HSD17B13: variants seen among roughly 807,000 people sequenced by gnomAD.
The protein encoded by HSD17B13 is hydroxysteroid 17-beta dehydrogenase 13.
Under a neutral mutation model 31.1 loss-of-function variants are expected in HSD17B13, and 26 were observed. That is an observed-to-expected ratio of 0.84 (90% CI 0.61 to 1.16). The LOEUF (loss-of-function observed/expected upper bound fraction) is 1.16, where lower values mean the gene tolerates loss of function less well. Ranked by LOEUF, HSD17B13 falls within the 50% of genes most tolerant of loss-of-function variation. The probability of loss-of-function intolerance (pLI) is 0.00; values close to 1 mark genes in which losing one functional copy is unlikely to be tolerated. For missense variants in HSD17B13, 374 were observed against 366.5 expected, an observed-to-expected ratio of 1.02 and a Z score of -0.17; for synonymous variants, 141 against 133.7, an observed-to-expected ratio of 1.05 and a Z score of -0.38.
At chr4:87,314,315 A>G (rs1374380710) in intron 4 of HSD17B13, among the ~76,000 whole-genome samples, 1 of 152,062 alleles carries the variant, frequency 6.6e-6, no homozygotes, top group Non-Finnish European at 1.5e-5. Context: ...ATGAATCAGG[A>G]AAAATACATT....
intron 6 of HSD17B13, among the ~76,000 whole-genome samples, chr4:87,306,261 G>A (rs1734386437): frequency 6.6e-6 from 1 of 152,076 alleles, no homozygotes; most frequent in Non-Finnish European, 1.5e-5. Flanking sequence ...TAAAACTGAA[G>A]GTCTGAGCTC....
At chr4:87,319,652 G>A (rs1394934928) in intron 1 of HSD17B13, among the ~76,000 whole-genome samples, 1 of 152,194 alleles carries the variant, frequency 6.6e-6, no homozygotes, top group Non-Finnish European at 1.5e-5. Context: ...CCTTAAAGAA[G>A]AAGGACTTTC....
chr4:87,309,704 T>C (rs1344979705), intron 6 of HSD17B13, among the ~76,000 whole-genome samples: 4 of 152,168 alleles, frequency 2.6e-5, no homozygotes, highest in African/African-American at 4.8e-5. Context: ...TTAGTTAGAA[T>C]AGTCTTCAGC....
At chr4:87,320,301 C>T (rs935757553) in intron 1 of HSD17B13, among the ~76,000 whole-genome samples, 2 of 151,620 alleles carry the variant, frequency 1.3e-5, no homozygotes, top group African/African-American at 4.8e-5. Flanking sequence ...CATACTCTCT[C>T]ATTTGTTTCT....
Position 87,321,397 on chromosome 4 carries a change from T to A in HSD17B13, c.210+1235A>T, listed in dbSNP as rs577424374. 1.8e-4 allele frequency among the ~76,000 whole-genome samples: 27 copies of A among 152,104 alleles called. No homozygotes were observed. The South Asian group carries it at 3.1e-3, about 18-fold the overall frequency. On this transcript the variant is annotated intron_variant, in intron 1 of 6. Transcript: ENST00000328546. ...TCTTGTCTCTGGAAATTTTAAAATT[T>A]AAAAAAAACTTAATAAATATAGCCC... is the stretch of plus-strand genomic sequence containing the variant.
In HSD17B13 at chr4:87,315,505, A is replaced by C. The variant is rs1235085162; in HGVS notation, c.545T>G (p.Leu182Arg). 6.3e-7 allele frequency: 1 copy of C among 1,593,898 alleles called. No homozygotes were observed. Among genetic ancestry groups the C allele is most frequent in the Non-Finnish European group, 8.6e-7 (1 of 1,162,642 alleles). Reference protein sequence around the residue: ...SVCGHEGIPYLIPYCSSKFAA... With the variant: ...SVCGHEGIPYRIPYCSSKFAA... ...ATGTGATACTTACCAATATGGGATG[A>C]GGTAAGGAATCCCTTCGTGGCCGCA... The change falls in exon 4 of 7, where the codon CTC becomes CGC. Residue 182 changes from leucine to arginine, a missense_variant. Coordinates refer to ENST00000328546, the MANE Select transcript of HSD17B13 (RefSeq NM_178135.5).
At position 87,318,435 on chromosome 4, in the gene HSD17B13, C is replaced by T; in HGVS notation, c.212G>A (p.Arg71His). 1.9e-6 allele frequency: 3 copies of T among 1,613,440 alleles called. No homozygotes were observed. The highest frequency in any genetic ancestry group is 8.5e-7 in the Non-Finnish European group (1 of 1,179,404). ...SILVLWDINKRGVEETAAECR... is the reference protein window; with the variant it reads ...SILVLWDINKHGVEETAAECR... ...CTCAGCTGCAGTTTCCTCCACACCG[C>T]GCTGTAATTAGGAAGAAACAAATTC... The change falls in exon 2 of 7, where the codon CGC becomes CAC. Residue 71 changes from arginine to histidine, a missense_variant and splice_region_variant. Arg to His is a conservative substitution (Grantham distance 29, BLOSUM62 0). Coordinates refer to ENST00000328546, the MANE Select transcript of HSD17B13 (RefSeq NM_178135.5).
chr4:87,322,791 G>C lies in HSD17B13; in HGVS notation c.51C>G (p.Ser17=), dbSNP rs59739874. The change falls in exon 1 of 7, where the codon TCC becomes TCG. Residue 17 remains serine (S), a synonymous_variant. Transcript: ENST00000328546. ...AAAACTTCACCAACGACTCCAAGTA[G>C]GAGTAGATGATGGTGATCAGAAGCA... is the stretch of plus-strand genomic sequence containing the variant. ...ILLLLITIIY[S]YLESLVKFFI... is the part of the protein sequence containing the mutation. 2.5e-6 allele frequency: 4 copies of C among 1,614,018 alleles called. No individual in the cohort carries two copies. In the African/African-American group the frequency reaches 5.3e-5, roughly 22 times the overall value.
rs1437235973 is a variant in HSD17B13 at position 87,316,002 on chromosome 4, T to A, written c.451-403A>T. 2.0e-5 allele frequency among the ~76,000 whole-genome samples: 3 copies of A among 152,338 alleles called. No individual in the cohort carries two copies. In the East Asian group the frequency reaches 5.8e-4, roughly 29 times the overall value. ...TTAAAAGAGTGAAATCTTGTGTAAC[T>A]GTATTAAGACAGTTGAGTAGTGTAA... On this transcript the variant is annotated intron_variant, in intron 3 of 6. Coordinates refer to ENST00000328546, the MANE Select transcript of HSD17B13 (RefSeq NM_178135.5).
Position 87,322,733 on chromosome 4 carries a change from C to T in HSD17B13, c.109G>A (p.Glu37Lys). 2 of 1,614,094 alleles carry T rather than the reference C, an allele frequency of 1.2e-6. No homozygotes were observed. Among genetic ancestry groups the T allele is most frequent in the Non-Finnish European group, 8.5e-7 (1 of 1,179,964 alleles). The change falls in exon 1 of 7, where the codon GAG becomes AAG. Residue 37 changes from glutamate to lysine, a missense_variant. Coordinates refer to ENST00000328546, the MANE Select transcript of HSD17B13 (RefSeq NM_178135.5). ...CCAGCTCCAGTAATGAGAACAATCT[C>T]CCCAGCCACAGATTTTCTCCTCTGA... ...IPQRRKSVAG[E>K]IVLITGAGHG... is the part of the protein sequence containing the mutation.
chr4:87,320,772 A>T (rs1406346626), intron 1 of HSD17B13, among the ~76,000 whole-genome samples: 2 of 152,106 alleles, frequency 1.3e-5, no homozygotes, highest in East Asian at 3.8e-4. Flanking sequence ...TTTAGCTTAA[A>T]CTCCAATGTG....
At chr4:87,308,014 C>T (rs1198076875) in intron 6 of HSD17B13, among the ~76,000 whole-genome samples, 4 of 152,156 alleles carry the variant, frequency 2.6e-5, no homozygotes, top group African/African-American at 4.8e-5. Flanking sequence ...GTTATCTTCT[C>T]ACTGATACAA....
intron 6 of HSD17B13, among the ~76,000 whole-genome samples, chr4:87,306,060 C>T (rs1734382829): frequency 6.6e-6 from 1 of 152,156 alleles, no homozygotes; most frequent in Non-Finnish European, 1.5e-5. Flanking sequence ...TAGGAACATT[C>T]CCTCTCCAAG....
chr4:87,309,091 C>T (rs1033003620), intron 6 of HSD17B13, among the ~76,000 whole-genome samples: 1 of 151,850 alleles, frequency 6.6e-6, no homozygotes, highest in Admixed American at 6.6e-5. Flanking sequence ...CGTCAAAAAC[C>T]GTCAAATAGG....
rs371078572 is a variant in HSD17B13 at position 87,311,076 on chromosome 4, T to C, written c.696-717A>G. On this transcript the variant is annotated intron_variant, in intron 5 of 6. Transcript: ENST00000328546. ...TCATTATAAGCTAACTATAATACAT[T>C]AGCAAGCTAAGAGACACTTCCACCA... 4.6e-5 allele frequency among the ~76,000 whole-genome samples: 7 copies of C among 152,218 alleles called. No homozygotes were observed. In the East Asian group the frequency reaches 7.7e-4, roughly 17 times the overall value.
chr4:87,313,086 CTT>C (rs143987744), intron 5 of HSD17B13, among the ~76,000 whole-genome samples: 1 of 149,636 alleles, frequency 6.7e-6, no homozygotes, highest in African/African-American at 2.5e-5. Flanking sequence ...AAAACAAAAA[CTT>C]TTTTTTTTCT....
rs1734499808 is a variant in HSD17B13 at position 87,310,238 on chromosome 4, C to T, written c.812+5G>A. The T allele has an allele frequency of 6.5e-7, 1 of 1,547,244 alleles. No individual in the cohort carries two copies. The highest frequency in any genetic ancestry group is 8.7e-7 in the Non-Finnish European group (1 of 1,154,516). On this transcript the variant is annotated splice_donor_5th_base_variant and intron_variant, in intron 6 of 6. Transcript: ENST00000328546. Reference sequence around the variant, plus strand: ...TAGTATTTGGGTGTTCTGTGCTGTACTTACTTCTGTAGTCTCAGAAAGATA... The same window carrying T: ...TAGTATTTGGGTGTTCTGTGCTGTATTTACTTCTGTAGTCTCAGAAAGATA...
At chr4:87,320,577 CG>C in intron 1 of HSD17B13, among the ~76,000 whole-genome samples, 1 of 151,940 alleles carries the variant, frequency 6.6e-6, no homozygotes, top group East Asian at 1.9e-4. Flanking sequence ...TTAGTAGAGA[CG>C]GGGTTTCACT....
chr4:87,317,113 G>C lies in HSD17B13; in HGVS notation c.429C>G (p.Val143=). The change falls in exon 3 of 7, where the codon GTC becomes GTG. Residue 143 remains valine, a synonymous_variant. Coordinates refer to ENST00000328546, the MANE Select transcript of HSD17B13 (RefSeq NM_178135.5). ...TCACCCAAAAATGTCCTAGGATGTT[G>C]ACCTCAAATGTCTTGGTAATCTCTT... The part of the protein sequence containing the change: ...KDEEITKTFE[V]NILGHFWITK... 1 of 1,614,034 alleles carries C rather than the reference G, an allele frequency of 6.2e-7. No individual in the cohort carries two copies. Among genetic ancestry groups the C allele is most frequent in the Non-Finnish European group, 8.5e-7 (1 of 1,179,932 alleles).
Sources: allele counts gnomAD v4.1 joint callset (sites outside exome capture counted in the v4.1 genomes callset), GRCh38; gene constraint gnomAD v4.1.1; transcripts MANE v1.5; gene names NCBI Gene and HGNC (gene_info 2026-07-23, HGNC 2026-07-21).